SEMA6D: variants seen among roughly 807,000 people sequenced by gnomAD.
The protein encoded by SEMA6D is semaphorin-6D.
In SEMA6D, 35 loss-of-function variants were observed where a neutral mutation model predicts 106.6. That is an observed-to-expected ratio of 0.33 (90% confidence interval 0.25 to 0.44). The LOEUF (loss-of-function observed/expected upper bound fraction) is 0.44, where lower values mean the gene tolerates loss of function less well. Ranked by LOEUF, SEMA6D falls within the 20% of genes least tolerant of loss-of-function variation. The pLI is 1.00. For synonymous variants in SEMA6D, 499 were observed against 487.7 expected (o/e 1.02, Z -0.31); for missense variants, 1,185 against 1,345.9 (o/e 0.88, Z 1.87).
At chr15:47,639,904 C>T (rs2077457563) in intron 4 of SEMA6D, among the ~76,000 whole-genome samples, 1 of 152,144 alleles carries the variant, frequency 6.6e-6, no homozygotes, top group Admixed American at 6.5e-5. Flanking sequence ...ATGATTTATA[C>T]ATTTAATATG....
chr15:47,427,646 T>G (rs189830045), intron 2 of SEMA6D, among the ~76,000 whole-genome samples: 40 of 152,292 alleles, frequency 2.6e-4, no homozygotes, highest in African/African-American at 9.6e-4. Flanking sequence ...GGATACCATT[T>G]AAACTTGCTG....
intron 1 of SEMA6D, among the ~76,000 whole-genome samples, chr15:47,341,871 C>G (rs776979296): frequency 6.6e-6 from 1 of 152,022 alleles, no homozygotes; most frequent in Non-Finnish European, 1.5e-5. Flanking sequence ...AGTTTGCCTC[C>G]CACCCCTTTC....
At chr15:47,478,714 C>A (rs2043066885) in intron 3 of SEMA6D, among the ~76,000 whole-genome samples, 1 of 152,126 alleles carries the variant, frequency 6.6e-6, no homozygotes, top group Non-Finnish European at 1.5e-5. Flanking sequence ...ATAATGAACA[C>A]AGAAGCCTTC....
chr15:47,569,213 A>AT (rs1243174345), intron 3 of SEMA6D, among the ~76,000 whole-genome samples: 5 of 151,868 alleles, frequency 3.3e-5, no homozygotes. Flanking sequence ...ACATGACTTC[A>AT]TTTTTTTTCA....
intron 1 of SEMA6D, among the ~76,000 whole-genome samples, chr15:47,752,842 C>G (rs553161575): frequency 1.3e-5 from 2 of 151,798 alleles, no homozygotes; most frequent in African/African-American, 4.8e-5. Context: ...AACCCCACCT[C>G]TTCTAAAAGT....
At chr15:47,623,014 A>C (rs2077135767) in intron 4 of SEMA6D, among the ~76,000 whole-genome samples, 1 of 152,154 alleles carries the variant, frequency 6.6e-6, no homozygotes, top group Admixed American at 6.5e-5. Context: ...CCAGTCCACT[A>C]CCCACTGTAG....
chr15:47,623,727 T>C (rs1225504403), intron 4 of SEMA6D, among the ~76,000 whole-genome samples: 1 of 152,190 alleles, frequency 6.6e-6, no homozygotes, highest in African/African-American at 2.4e-5. Context: ...CAAGGGCTTC[T>C]GTGAGGTAAT....
intron 3 of SEMA6D, among the ~76,000 whole-genome samples, chr15:47,506,376 G>A (rs1055576968): frequency 2.0e-5 from 3 of 152,048 alleles, no homozygotes; most frequent in Non-Finnish European, 4.4e-5. Context: ...TGGTGGCATC[G>A]GAGAAACCTT....
chr15:47,263,659 C>T (rs1190656725), intron 1 of SEMA6D, among the ~76,000 whole-genome samples: 3 of 151,850 alleles, frequency 2.0e-5, no homozygotes, highest in African/African-American at 7.2e-5. Flanking sequence ...GATAGTGTGG[C>T]GATTCCCCGA....
intron 1 of SEMA6D, among the ~76,000 whole-genome samples, chr15:47,198,342 A>G (rs1894497994): frequency 6.6e-6 from 1 of 152,152 alleles, no homozygotes; most frequent in South Asian, 2.1e-4. Flanking sequence ...ACAAAATATG[A>G]CAACTCTGTG....
intron 3 of SEMA6D, among the ~76,000 whole-genome samples, chr15:47,583,751 T>C (rs1390127338): frequency 6.6e-6 from 1 of 152,102 alleles, no homozygotes; most frequent in African/African-American, 2.4e-5. Flanking sequence ...CAAGATGGCT[T>C]ACAAGTCTTC....
intron 1 of SEMA6D, among the ~76,000 whole-genome samples, chr15:47,735,241 CA>C (rs1268803044): frequency 1.3e-5 from 2 of 152,304 alleles, no homozygotes; most frequent in Middle Eastern, 3.4e-3. Context: ...AAGTGATTGG[CA>C]GCCCTACAGT....
intron 4 of SEMA6D, among the ~76,000 whole-genome samples, chr15:47,675,687 A>G (rs1036061425): frequency 6.6e-6 from 1 of 152,158 alleles, no homozygotes; most frequent in Non-Finnish European, 1.5e-5. Flanking sequence ...CTTGCAGAAA[A>G]CCAGCATTTA....
intron 1 of SEMA6D, among the ~76,000 whole-genome samples, chr15:47,205,079 T>C (rs1470464866): frequency 2.0e-5 from 3 of 152,174 alleles, no homozygotes; most frequent in African/African-American, 4.8e-5. Flanking sequence ...ATTATAGTTC[T>C]TCCCAATTCC....
intron 4 of SEMA6D, among the ~76,000 whole-genome samples, chr15:47,667,478 C>T (rs1315412259): frequency 6.6e-6 from 1 of 152,184 alleles, no homozygotes; most frequent in Admixed American, 6.6e-5. Context: ...ACACACTATC[C>T]CCTCTGCGGT....
rs747561325 is a variant in SEMA6D, at chr15:47,762,140, A to G, written c.539-60A>G. 3.1e-6 allele frequency: 5 copies of G among 1,605,826 alleles called. No individual in the cohort carries two copies. The African/African-American group carries it at 5.4e-5, about 17-fold the overall frequency. On this transcript the variant is annotated intron_variant, in intron 7 of 18. Coordinates refer to ENST00000536845, the MANE Select transcript of SEMA6D (RefSeq NM_001358351.3). ...CTCCAAAGGGCATAACACGCTGCCA[A>G]AGCTAACACACTGCAGGATAATTAT... is the stretch of plus-strand genomic sequence containing the variant.
intron 3 of SEMA6D, among the ~76,000 whole-genome samples, chr15:47,580,113 T>C (rs2076230275): frequency 1.3e-5 from 2 of 152,264 alleles, no homozygotes; most frequent in South Asian, 4.2e-4. Context: ...TACTTCTAAT[T>C]CTGTTCTCTG....
intron 3 of SEMA6D, among the ~76,000 whole-genome samples, chr15:47,537,650 T>G (rs1482731368): frequency 6.6e-6 from 1 of 152,134 alleles, no homozygotes; most frequent in Non-Finnish European, 1.5e-5. Flanking sequence ...TGGGCAAGGA[T>G]GTTGGCAGTT....
intron 1 of SEMA6D, among the ~76,000 whole-genome samples, chr15:47,365,469 T>C (rs186526177): frequency 6.6e-6 from 1 of 152,154 alleles, no homozygotes; most frequent in Admixed American, 6.5e-5. Flanking sequence ...GAAATTTGTT[T>C]CTAAATCAGC....
Sources: allele counts gnomAD v4.1 joint callset (sites outside exome capture counted in the v4.1 genomes callset), GRCh38; gene constraint gnomAD v4.1.1; transcripts MANE v1.5; gene names NCBI Gene and HGNC (gene_info 2026-07-23, HGNC 2026-07-21).